ITSN2: variants seen among roughly 807,000 people sequenced by gnomAD.
The protein encoded by ITSN2 is intersectin 2, also known as intersectin-2.
ITSN2 carries 156 observed loss-of-function variants against 243.7 expected under a neutral mutation model. The ratio of observed to expected loss-of-function variants is 0.64; its 90% CI spans 0.56 to 0.73. ITSN2 has a LOEUF of 0.73. Among genes scored for constraint, ITSN2 ranks in the 30% least tolerant of loss-of-function variants. The pLI is 0.00. For synonymous variants in ITSN2, 703 were observed against 699.9 expected, an observed-to-expected ratio of 1.00 and a Z score of -0.07; for missense variants, 1,801 against 1,996.1, an observed-to-expected ratio of 0.90 and a Z score of 1.86.
chr2:24,298,759 C>G lies in ITSN2; in HGVS notation c.1400G>C (p.Arg467Pro). ...ATTCTTTTGATTGAGAAGCTCCTGTCGCCGAATTCTCTCCCATTCTAAGCG... is the reference window on the plus strand; with the variant it reads ...ATTCTTTTGATTGAGAAGCTCCTGTGGCCGAATTCTCTCCCATTCTAAGCG... ...QRRLEWERIR[R>P]QELLNQKNRE... is the part of the protein sequence containing the mutation. The change falls in exon 13 of 40, where the codon CGA becomes CCA. Residue 467 changes from arginine to proline, a missense_variant. Transcript: ENST00000355123. 1.9e-6 allele frequency: 3 copies of G among 1,612,590 alleles called. No homozygotes were observed. The highest frequency in any genetic ancestry group is 2.5e-6 in the Non-Finnish European group (3 of 1,179,368).
chr2:24,335,395 T>C (rs891927487), intron 1 of ITSN2, among the ~76,000 whole-genome samples: 12 of 152,162 alleles, frequency 7.9e-5, no homozygotes, highest in Admixed American at 2.0e-4. Context: ...TGCAGAGACA[T>C]GATCTCAGCT....
chr2:24,210,282 C>A, intron 34 of ITSN2: 1 of 491,320 alleles, frequency 2.0e-6, no homozygotes, highest in Non-Finnish European at 3.7e-6. Context: ...GAACTCAAAA[C>A]AAAAAATCCC....
intron 17 of ITSN2, among the ~76,000 whole-genome samples, chr2:24,276,995 G>T (rs1386015799): frequency 2.6e-5 from 4 of 152,202 alleles, no homozygotes; most frequent in Non-Finnish European, 4.4e-5. Flanking sequence ...GGGTACTATA[G>T]AAGCTGAATG....
At chr2:24,336,827 T>C (rs1455972715) in intron 1 of ITSN2, among the ~76,000 whole-genome samples, 7 of 152,324 alleles carry the variant, frequency 4.6e-5, no homozygotes, top group Middle Eastern at 3.4e-3. Flanking sequence ...GCCTGGTTTC[T>C]AAACCAGATC....
intron 17 of ITSN2, among the ~76,000 whole-genome samples, chr2:24,283,058 T>A (rs906043934): frequency 3.3e-5 from 5 of 151,380 alleles, no homozygotes; most frequent in Non-Finnish European, 5.9e-5. Context: ...ACCCCCATGC[T>A]TTTTTCTTTT....
rs759000703 is a variant in ITSN2 at position 24,221,080 on chromosome 2, AG to A, written c.3578-15del. 1 of 1,598,670 alleles carries A rather than the reference AG, an allele frequency of 6.3e-7. No homozygotes were observed. Among genetic ancestry groups the A allele is most frequent in the African/African-American group, 1.3e-5 (1 of 74,190 alleles). ...GATCAGCACACCCTGTGGAAAAAAC[AG>A]GGTAGTTTAAAATATTACTTTAGTC... On this transcript the variant is annotated splice_polypyrimidine_tract_variant and intron_variant, in intron 29 of 39. Coordinates refer to ENST00000355123, the MANE Select transcript of ITSN2 (RefSeq NM_006277.3).
chr2:24,319,101 T>C (rs1684262166), intron 2 of ITSN2, among the ~76,000 whole-genome samples: 1 of 152,190 alleles, frequency 6.6e-6, no homozygotes, highest in Admixed American at 6.5e-5. Context: ...TTGTCTTCCA[T>C]GAAACTGGTC....
intron 15 of ITSN2, among the ~76,000 whole-genome samples, chr2:24,290,581 T>G (rs898826099): frequency 1.3e-5 from 2 of 152,216 alleles, no homozygotes; most frequent in Admixed American, 6.5e-5. Context: ...TTTTCCTGTT[T>G]TATAATAGTT....
chr2:24,294,295 G>A (rs1680659590), intron 14 of ITSN2, among the ~76,000 whole-genome samples: 1 of 152,152 alleles, frequency 6.6e-6, no homozygotes, highest in African/African-American at 2.4e-5. Flanking sequence ...GCGTGGTGGT[G>A]GGTGCCTGTA....
intron 29 of ITSN2, chr2:24,239,384 T>C (rs912481923): frequency 1.4e-4 from 22 of 152,248 alleles, no homozygotes; most frequent in African/African-American, 5.1e-4. Flanking sequence ...GTTACATTTT[T>C]AATAGTTATA....
chr2:24,224,395 A>C (rs1398207608), intron 29 of ITSN2, among the ~76,000 whole-genome samples: 1 of 152,262 alleles, frequency 6.6e-6, no homozygotes, highest in Non-Finnish European at 1.5e-5. Context: ...TTTGTGTACC[A>C]GTGCGTTGAG....
intron 29 of ITSN2, among the ~76,000 whole-genome samples, chr2:24,223,857 A>G (rs1558446624): frequency 6.6e-5 from 1 of 15,058 alleles, no homozygotes; most frequent in Non-Finnish European, 1.2e-4. Flanking sequence ...AAAGAAAGAA[A>G]GAAAGGAAAG....
At chr2:24,306,520 G>A (rs975002968) in intron 8 of ITSN2, among the ~76,000 whole-genome samples, 7 of 152,158 alleles carry the variant, frequency 4.6e-5, no homozygotes, top group Non-Finnish European at 8.8e-5. Context: ...TCATGTTGTT[G>A]CAGGTATCAG....
chr2:24,219,014 T>A (rs6707781), intron 30 of ITSN2, among the ~76,000 whole-genome samples: 1 of 151,956 alleles, frequency 6.6e-6, no homozygotes, highest in Non-Finnish European at 1.5e-5. Context: ...AGCCTGGCCC[T>A]CAGCTACTTC....
chr2:24,352,361 C>T (rs961646243), intron 1 of ITSN2, among the ~76,000 whole-genome samples: 3 of 152,132 alleles, frequency 2.0e-5, no homozygotes, highest in South Asian at 4.1e-4. Flanking sequence ...GTTGTAATCA[C>T]AATCACTAAT....
At position 24,330,942 on chromosome 2, in the gene ITSN2, T is replaced by C. The variant is rs181115482; in HGVS notation, c.-33-2827A>G. Among the ~76,000 whole-genome samples, 912 of 151,836 alleles carry C rather than the reference T, an allele frequency of 6.0e-3. 4 individuals are homozygous for C. Among genetic ancestry groups the C allele is most frequent in the Non-Finnish European group, 9.2e-3 (623 of 67,954 alleles). Reference sequence around the variant, plus strand: ...CCACCACACCTGGCTAATTTTTGTATTTTTAGCAGAGATGGCGTTTCACCA... The same window carrying C: ...CCACCACACCTGGCTAATTTTTGTACTTTTAGCAGAGATGGCGTTTCACCA... On this transcript the variant is annotated intron_variant, in intron 1 of 39. Transcript: ENST00000355123.
intron 17 of ITSN2, among the ~76,000 whole-genome samples, chr2:24,282,848 C>T (rs1453667708): frequency 6.6e-6 from 1 of 152,194 alleles, no homozygotes; most frequent in African/African-American, 2.4e-5. Flanking sequence ...GTATGTTACA[C>T]TGAAAGTATT....
chr2:24,330,254 G>A (rs11903612), intron 1 of ITSN2: 232 of 348,026 alleles, frequency 6.7e-4, no homozygotes, highest in Non-Finnish European at 9.6e-4. Flanking sequence ...CCATTTGTTC[G>A]TCATCACGTA....
chr2:24,218,102 G>C (rs1245302672), intron 30 of ITSN2, 89 bp from the exon 31 acceptor site: 3 of 784,870 alleles, frequency 3.8e-6, no homozygotes, highest in Non-Finnish European at 6.5e-6. Flanking sequence ...TTCATAAACT[G>C]AAACTAATCA....
Sources: gnomAD v4.1 joint callset for allele counts (sites outside exome capture counted in the v4.1 genomes callset) on GRCh38, gnomAD v4.1.1 for gene constraint, MANE v1.5 for transcripts, NCBI Gene and HGNC (gene_info 2026-07-23, HGNC 2026-07-21) for gene names.